CUEDC1: variants seen among roughly 807,000 people sequenced by gnomAD.
CUEDC1 encodes CUE domain-containing protein 1.
Under a neutral mutation model 43.7 loss-of-function variants are expected in CUEDC1, and 30 were observed. The ratio of observed to expected loss-of-function variants is 0.69; its 90% CI spans 0.51 to 0.93. The LOEUF (loss-of-function observed/expected upper bound fraction) is 0.93, where lower values mean the gene tolerates loss of function less well. Among genes scored for constraint, CUEDC1 ranks in the 40% least tolerant of loss-of-function variants. CUEDC1 has a pLI of 0.00. For missense variants in CUEDC1, 486 were observed against 549.0 expected, an observed-to-expected ratio of 0.89 and a Z score of 1.15; for synonymous variants, 223 against 223.6, an observed-to-expected ratio of 1.00 and a Z score of 0.02.
At chr17:57,867,772 G>A (rs928897614) in intron 8 of CUEDC1, 13 of 483,214 alleles carry the variant, frequency 2.7e-5, no homozygotes, top group African/African-American at 2.5e-4. Flanking sequence ...GGGCCAACAT[G>A]CTTGGAGTGA....
Position 57,862,719 on chromosome 17 carries a change from T to G in CUEDC1, c.*570A>C, listed in dbSNP as rs1247730323. 1.3e-5 allele frequency: 2 copies of G among 152,504 alleles called. No individual in the cohort carries two copies. Among genetic ancestry groups the G allele is most frequent in the African/African-American group, 4.8e-5 (2 of 41,418 alleles). 9.4% of individuals were successfully genotyped at this position (152,504 alleles called of 1,614,324 possible). A position where few individuals can be genotyped will look rare whatever the true frequency, so the allele number is the denominator to read the frequency against. Reference sequence around the variant, plus strand: ...ACCCAGGCTGGGTGCAGGGCTCGTGTGCTGGGCCAGCAGCCCCGGGGGAAG... The same window carrying G: ...ACCCAGGCTGGGTGCAGGGCTCGTGGGCTGGGCCAGCAGCCCCGGGGGAAG... On this transcript the variant is annotated 3_prime_UTR_variant, in exon 11 of 11. Transcript: ENST00000577830.
At chr17:57,902,148 G>A (rs1269452902) in intron 1 of CUEDC1, among the ~76,000 whole-genome samples, 2 of 151,338 alleles carry the variant, frequency 1.3e-5, no homozygotes, top group Admixed American at 6.6e-5. Flanking sequence ...CCAAGATCAC[G>A]CCATTGCACT....
At chr17:57,943,663 C>T (rs189979404) in intron 1 of CUEDC1, among the ~76,000 whole-genome samples, 18 of 152,188 alleles carry the variant, frequency 1.2e-4, no homozygotes, top group Admixed American at 3.3e-4. Flanking sequence ...GAAAGAGTCA[C>T]GTGGCTCTTA....
chr17:57,936,662 A>AG (rs2074864221), intron 1 of CUEDC1, among the ~76,000 whole-genome samples: 1 of 152,114 alleles, frequency 6.6e-6, no homozygotes, highest in South Asian at 2.1e-4. Context: ...CTGGATTAAT[A>AG]GAAAGACCTG....
intron 1 of CUEDC1, chr17:57,922,616 A>G (rs571989565): frequency 1.3e-5 from 2 of 152,292 alleles, no homozygotes; most frequent in South Asian, 4.1e-4. Flanking sequence ...TCACTATTTA[A>G]GTGGCCTTAG....
intron 1 of CUEDC1, among the ~76,000 whole-genome samples, chr17:57,901,680 C>T (rs1407718990): frequency 6.6e-6 from 1 of 152,208 alleles, no homozygotes; most frequent in Non-Finnish European, 1.5e-5. Flanking sequence ...TCCCCTTCTC[C>T]CAACACAGAA....
At chr17:57,888,475 G>GACAC (rs2074321329) in intron 1 of CUEDC1, among the ~76,000 whole-genome samples, 1 of 152,222 alleles carries the variant, frequency 6.6e-6, no homozygotes, top group Non-Finnish European at 1.5e-5. Flanking sequence ...TTCACAAGAA[G>GACAC]ACACAGAGGG....
rs571965715 is a variant in CUEDC1, at chr17:57,935,142, A to G, written c.-316+20083T>C. Among the ~76,000 whole-genome samples, 4 of 152,340 alleles carry G rather than the reference A, an allele frequency of 2.6e-5. 1 individual carries two copies. Among genetic ancestry groups the G allele is most frequent in the Admixed American group, 2.6e-4 (4 of 15,300 alleles). On this transcript the variant is annotated intron_variant, in intron 1 of 10. Transcript: ENST00000577830. ...CTTTCTTACTAAAACTCACTGACTA[A>G]TACACAAGAATGCAAACTGCCAATG...
rs533225590 is a variant in CUEDC1 at position 57,953,814 on chromosome 17, T to C, written c.-316+1411A>G. Among the ~76,000 whole-genome samples the C allele has an allele frequency of 2.6e-5, 4 of 152,314 alleles. No individual in the cohort carries two copies. The South Asian group carries it at 8.3e-4, about 32-fold the overall frequency. The stretch of plus-strand genomic sequence containing the variant: ...AAGGATGTGCCCAGGTCGGTAGCAG[T>C]ATCCTGTTTCCCTTGTCCTGGCCCT... On this transcript the variant is annotated intron_variant, in intron 1 of 10. Coordinates refer to ENST00000577830, the MANE Select transcript of CUEDC1 (RefSeq NM_001271875.2).
chr17:57,873,007 A>C, intron 4 of CUEDC1, 152 bp from the exon 5 acceptor site: 1 of 705,738 alleles, frequency 1.4e-6, no homozygotes, highest in Non-Finnish European at 2.3e-6. Context: ...GTTGCGAGCC[A>C]AAATCCAACG....
At chr17:57,891,690 G>A (rs957723862) in intron 1 of CUEDC1, among the ~76,000 whole-genome samples, 2 of 152,186 alleles carry the variant, frequency 1.3e-5, no homozygotes, top group Non-Finnish European at 2.9e-5. Flanking sequence ...AACGAGCCAA[G>A]CACACTCCCA....
rs969938918 is a variant in CUEDC1, at chr17:57,930,755, G to A, written c.-316+24470C>T. Among the ~76,000 whole-genome samples the A allele has an allele frequency of 3.3e-5, 5 of 152,196 alleles. No homozygotes were observed. The highest frequency in any genetic ancestry group is 9.7e-5 in the African/African-American group (4 of 41,436). On this transcript the variant is annotated intron_variant, in intron 1 of 10. Coordinates refer to ENST00000577830, the MANE Select transcript of CUEDC1 (RefSeq NM_001271875.2). This position sits in a 1 kb window ranked among gnomAD's most constrained non-coding sequence, Gnocchi z 4.2. Reference sequence around the variant, plus strand: ...AGCTGGAAGCCTGGGAGGAAGGGATGTGCTGTGGCCAACACAGGAGGGCAG... The same window carrying A: ...AGCTGGAAGCCTGGGAGGAAGGGATATGCTGTGGCCAACACAGGAGGGCAG...
chr17:57,897,708 C>G (rs941512448), intron 1 of CUEDC1, among the ~76,000 whole-genome samples: 1 of 138,936 alleles, frequency 7.2e-6, no homozygotes, highest in African/African-American at 2.6e-5. Context: ...CTAATTAAAA[C>G]AAAATTTTAC....
At chr17:57,875,169 A>T (rs113772650) in intron 3 of CUEDC1, among the ~76,000 whole-genome samples, 1 of 152,302 alleles carries the variant, frequency 6.6e-6, no homozygotes, top group Non-Finnish European at 1.5e-5. Flanking sequence ...AGGGACTCGC[A>T]GACCACCCCA....
intron 3 of CUEDC1, among the ~76,000 whole-genome samples, chr17:57,876,144 C>A (rs557719194): frequency 9.5e-4 from 145 of 152,312 alleles, no homozygotes; most frequent in African/African-American, 3.3e-3. Context: ...ATTCCTAAAA[C>A]ACGAACCTGA....
In CUEDC1 at chr17:57,863,072, T is replaced by G. The variant is rs1597962081; in HGVS notation, c.*217A>C. On this transcript the variant is annotated 3_prime_UTR_variant, in exon 11 of 11. Coordinates refer to ENST00000577830, the MANE Select transcript of CUEDC1 (RefSeq NM_001271875.2). ...GGCTGCTGCCTATAGGGGCCCCAGG[T>G]CCTTCCTCCAATTGCAAGGCAGCAA... 1.3e-5 allele frequency: 2 copies of G among 152,434 alleles called. No individual in the cohort carries two copies. The highest frequency in any genetic ancestry group is 2.4e-5 in the African/African-American group (1 of 41,360). 9.4% of individuals were successfully genotyped at this position (152,434 alleles called of 1,614,324 possible).
At chr17:57,939,288 C>T (rs771346466) in intron 1 of CUEDC1, among the ~76,000 whole-genome samples, 8 of 150,616 alleles carry the variant, frequency 5.3e-5, no homozygotes, top group Middle Eastern at 3.5e-3. Flanking sequence ...TTTTTTGAGA[C>T]GAGATCTCAG....
chr17:57,939,063 G>A (rs574011740), intron 1 of CUEDC1, among the ~76,000 whole-genome samples: 25 of 145,414 alleles, frequency 1.7e-4, no homozygotes, highest in African/African-American at 6.4e-4. Context: ...CACCTTCTGG[G>A]TTCAAGCGAT....
chr17:57,884,192 C>CTTTTTT (rs780667346), intron 2 of CUEDC1, among the ~76,000 whole-genome samples: 47 of 81,338 alleles, frequency 5.8e-4, no homozygotes, highest in African/African-American at 1.1e-3. Flanking sequence ...TTTTTCTTTT[C>CTTTTTT]TTTTTTTTTT....
Sources: allele counts gnomAD v4.1 joint callset (sites outside exome capture counted in the v4.1 genomes callset), GRCh38; gene constraint gnomAD v4.1.1; non-coding constraint Gnocchi (gnomAD v3.1); transcripts MANE v1.5; gene names NCBI Gene and HGNC (gene_info 2026-07-23, HGNC 2026-07-21).